Variants in FAM184B observed in about 807,000 individuals in gnomAD.
FAM184B encodes family with sequence similarity 184 member B, also known as protein FAM184B.
A neutral mutation model predicts 135.9 loss-of-function variants in FAM184B; 111 were observed. The ratio of observed to expected loss-of-function variants is 0.82; its 90% CI spans 0.70 to 0.96. The LOEUF is 0.96. Among genes scored for constraint, FAM184B ranks in the 40% least tolerant of loss-of-function variants. The pLI, the probability that FAM184B is intolerant of heterozygous loss-of-function variation, is 0.00. For missense variants in FAM184B, 1,375 were observed against 1,323.9 expected, an observed-to-expected ratio of 1.04 and a Z score of -0.60; for synonymous variants, 552 against 524.8, an observed-to-expected ratio of 1.05 and a Z score of -0.71.
intron 3 of FAM184B, among the ~76,000 whole-genome samples, 171 bp from the exon 4 acceptor site, chr4:17,706,062 C>T (rs779877927): frequency 1.3e-5 from 2 of 152,226 alleles, no homozygotes; most frequent in Non-Finnish European, 2.9e-5. Flanking sequence ...GGTAGCAATT[C>T]TCATCTCTTC....
intron 1 of FAM184B, among the ~76,000 whole-genome samples, chr4:17,736,065 T>C (rs1279627746): frequency 1.3e-5 from 2 of 152,318 alleles, no homozygotes; most frequent in East Asian, 3.9e-4. Context: ...GTTTACAAGG[T>C]GGCAGGCACT....
chr4:17,657,625 C>T (rs1715805179), intron 10 of FAM184B, among the ~76,000 whole-genome samples: 1 of 150,498 alleles, frequency 6.6e-6, no homozygotes, highest in Non-Finnish European at 1.5e-5. Context: ...TTTCCCAAAC[C>T]CTTGGAAAGG....
At chr4:17,733,603 C>T (rs1292577324) in intron 1 of FAM184B, among the ~76,000 whole-genome samples, 4 of 152,098 alleles carry the variant, frequency 2.6e-5, no homozygotes, top group African/African-American at 4.8e-5. Context: ...AATAAAATAC[C>T]TAGGAACCCA....
chr4:17,770,055 T>A (rs1718780780), intron 1 of FAM184B, among the ~76,000 whole-genome samples: 1 of 151,916 alleles, frequency 6.6e-6, no homozygotes, highest in Non-Finnish European at 1.5e-5. Context: ...CAGGAGAAGA[T>A]CTGAGAGAAG....
intron 1 of FAM184B, among the ~76,000 whole-genome samples, chr4:17,740,324 C>G (rs1718004570): frequency 7.1e-6 from 1 of 141,416 alleles, no homozygotes; most frequent in Non-Finnish European, 1.5e-5. Context: ...TGCACTCCAG[C>G]CTGGGCGACA....
intron 2 of FAM184B, among the ~76,000 whole-genome samples, chr4:17,708,688 T>TG (rs1252805291): frequency 4.3e-4 from 22 of 50,712 alleles, no homozygotes; most frequent in African/African-American, 1.9e-3. Flanking sequence ...TATATATATA[T>TG]ATATATATAT....
At chr4:17,685,198 T>TAAAAAA (rs56051873) in intron 7 of FAM184B, among the ~76,000 whole-genome samples, 1 of 103,532 alleles carries the variant, frequency 9.7e-6, no homozygotes, top group African/African-American at 3.6e-5. Context: ...CCCTGGAACT[T>TAAAAAA]AAAAAAAAAA....
chr4:17,749,301 G>T (rs1169691598), intron 1 of FAM184B, among the ~76,000 whole-genome samples: 1 of 151,970 alleles, frequency 6.6e-6, no homozygotes, highest in Non-Finnish European at 1.5e-5. Context: ...GAAAGAACCA[G>T]ACGGGCACAG....
intron 10 of FAM184B, among the ~76,000 whole-genome samples, chr4:17,654,806 G>A (rs1475724187): frequency 6.6e-6 from 1 of 152,168 alleles, no homozygotes; most frequent in Non-Finnish European, 1.5e-5. Context: ...TAGGGAACTG[G>A]TCTCACTCCT....
At chr4:17,651,652 C>T (rs1036749479) in intron 11 of FAM184B, among the ~76,000 whole-genome samples, 4 of 151,292 alleles carry the variant, frequency 2.6e-5, no homozygotes, top group Non-Finnish European at 5.9e-5. Context: ...ACTTCTCATG[C>T]ATTTACTCAA....
At position 17,705,735 on chromosome 4, in the gene FAM184B, G is replaced by T. The variant is rs1026369574; in HGVS notation, c.1170+17C>A. 6.4e-7 allele frequency: 1 copy of T among 1,551,330 alleles called. No homozygotes were observed. Among genetic ancestry groups the T allele is most frequent in the Admixed American group, 2.0e-5 (1 of 50,992 alleles). ...TCTCTGTGCCTTCTCCATCCCCAGGGCTGGGTCAGACACTACCTGCATATC... is the reference window on the plus strand; with the variant it reads ...TCTCTGTGCCTTCTCCATCCCCAGGTCTGGGTCAGACACTACCTGCATATC... On this transcript the variant is annotated intron_variant, in intron 4 of 17. Transcript: ENST00000265018.
chr4:17,767,486 A>T (rs1227239070), intron 1 of FAM184B, among the ~76,000 whole-genome samples: 1 of 152,274 alleles, frequency 6.6e-6, no homozygotes, highest in Non-Finnish European at 1.5e-5. Flanking sequence ...CATGTGACAG[A>T]GAAGTGAAAA....
chr4:17,731,020 G>A (rs993398931), intron 1 of FAM184B, among the ~76,000 whole-genome samples: 7 of 152,108 alleles, frequency 4.6e-5, no homozygotes, highest in African/African-American at 7.2e-5. Flanking sequence ...AATGAAGCGC[G>A]AAGGGAAGTT....
chr4:17,734,847 C>T (rs1438211274), intron 1 of FAM184B, among the ~76,000 whole-genome samples: 1 of 151,688 alleles, frequency 6.6e-6, no homozygotes, highest in Admixed American at 6.6e-5. Context: ...ACCCAAAGGA[C>T]TATAAATCAT....
intron 1 of FAM184B, among the ~76,000 whole-genome samples, chr4:17,753,106 A>C (rs2215265): frequency 0.28 from 43,155 of 151,972 alleles, 6,334 homozygotes; most frequent in South Asian, 0.33. Context: ...CTGCCCTGAC[A>C]TTTCGTCATC....
intron 1 of FAM184B, among the ~76,000 whole-genome samples, chr4:17,764,980 C>G (rs544148057): frequency 4.6e-5 from 7 of 152,100 alleles, no homozygotes; most frequent in Non-Finnish European, 7.4e-5. Context: ...GTGGGAGGAT[C>G]ACTTGAGCCC....
chr4:17,733,577 C>T (rs979647664), intron 1 of FAM184B, among the ~76,000 whole-genome samples: 3 of 152,144 alleles, frequency 2.0e-5, no homozygotes, highest in Non-Finnish European at 2.9e-5. Flanking sequence ...CTCCCATTCA[C>T]AATTGCTTCA....
intron 7 of FAM184B, among the ~76,000 whole-genome samples, chr4:17,685,036 C>A (rs1716545855): frequency 6.6e-6 from 1 of 151,378 alleles, no homozygotes; most frequent in African/African-American, 2.4e-5. Context: ...CTCACTGGGG[C>A]CTGTTGAGGG....
At chr4:17,745,874 AAAAGATGATTGCATATTTAG>A (rs1274255082) in intron 1 of FAM184B, among the ~76,000 whole-genome samples, 3 of 152,212 alleles carry the variant, frequency 2.0e-5, no homozygotes, top group Non-Finnish European at 4.4e-5. Context: ...TGAAAGAAGA[AAAAGATGATTGCATATTTAG>A]ATCTCTGATC....
Sources: allele counts gnomAD v4.1 joint callset (sites outside exome capture counted in the v4.1 genomes callset), GRCh38; gene constraint gnomAD v4.1.1; transcripts MANE v1.5; gene names NCBI Gene and HGNC (gene_info 2026-07-23, HGNC 2026-07-21).